The following LIN28B variants were observed in gnomAD, a reference collection of about 807,000 sequenced individuals.
The protein encoded by LIN28B is lin-28 RNA binding posttranscriptional regulator B, also known as protein lin-28 homolog B.
A neutral mutation model predicts 21.9 loss-of-function variants in LIN28B; 5 were observed. The ratio of observed to expected loss-of-function variants is 0.23; its 90% CI spans 0.12 to 0.48. The LOEUF is 0.48. Among genes scored for constraint, LIN28B ranks in the 20% least tolerant of loss-of-function variants. The pLI is 0.98. For missense variants in LIN28B, 245 were observed against 310.5 expected (o/e 0.79, Z 1.58); for synonymous variants, 109 against 111.3 (o/e 0.98, Z 0.13).
upstream of LIN28B, chr6:104,956,901 A>G (rs985954437): frequency 1.2e-5 from 4 of 344,920 alleles, no homozygotes; most frequent in African/African-American, 2.2e-5. Flanking sequence ...AAGCGTTCCA[A>G]ATTGTCTTTA....
intron 3 of LIN28B, among the ~76,000 whole-genome samples, chr6:105,062,749 T>C (rs1772147246): frequency 6.6e-6 from 1 of 152,166 alleles, no homozygotes. Flanking sequence ...ATTTACATCC[T>C]CAAAATGAAA....
intron 2 of LIN28B, among the ~76,000 whole-genome samples, chr6:104,986,930 G>C (rs1486882162): frequency 6.6e-6 from 1 of 152,174 alleles, no homozygotes; most frequent in African/African-American, 2.4e-5. Flanking sequence ...CTTTCTCAAA[G>C]AGCAATACCT....
At position 104,986,052 on chromosome 6, in the gene LIN28B, TG is replaced by T. The variant is rs1770332693; in HGVS notation, c.198+27771del. 4.6e-5 allele frequency among the ~76,000 whole-genome samples: 7 copies of T among 152,240 alleles called. No homozygotes were observed. In the South Asian group the frequency reaches 1.2e-3, roughly 27 times the overall value. On this transcript the variant is annotated intron_variant, in intron 2 of 3. Coordinates refer to ENST00000345080, the MANE Select transcript of LIN28B (RefSeq NM_001004317.4). The stretch of plus-strand genomic sequence containing the variant: ...GGGGAGGGGCCTAGTGGATTGGATA[TG>T]GGGGCCGATTTTCTACTTGCTGTTC...
At chr6:105,039,772 G>A (rs1166135771) in intron 3 of LIN28B, among the ~76,000 whole-genome samples, 3 of 152,024 alleles carry the variant, frequency 2.0e-5, no homozygotes, top group African/African-American at 7.2e-5. Flanking sequence ...AGTTTTTGAT[G>A]CTATTTTGAA....
Position 104,978,151 on chromosome 6 carries a change from C to G in LIN28B, c.198+19865C>G, listed in dbSNP as rs564364729. Among the ~76,000 whole-genome samples, 3 of 152,322 alleles carry G rather than the reference C, an allele frequency of 2.0e-5. No homozygotes were observed. In the South Asian group the frequency reaches 6.2e-4, roughly 32 times the overall value. ...AGAAATCCAAGATAGTTTTGGGCTA[C>G]TGCCCCCCACCTTCTTTTTTTCAGT... On this transcript the variant is annotated intron_variant, in intron 2 of 3. Coordinates refer to ENST00000345080, the MANE Select transcript of LIN28B (RefSeq NM_001004317.4).
intron 3 of LIN28B, among the ~76,000 whole-genome samples, chr6:105,039,648 T>A (rs190717292): frequency 2.9e-4 from 44 of 152,324 alleles, no homozygotes; most frequent in Admixed American, 2.7e-3. Context: ...AGAATGGGAT[T>A]GTGGGAGTAT....
intron 2 of LIN28B, among the ~76,000 whole-genome samples, chr6:105,015,643 T>C (rs527511371): frequency 7.2e-5 from 11 of 152,348 alleles, no homozygotes; most frequent in African/African-American, 2.6e-4. Flanking sequence ...TATGATATTT[T>C]TAAAATTCCA....
intron 2 of LIN28B, among the ~76,000 whole-genome samples, chr6:105,006,586 G>A (rs1471908601): frequency 6.6e-6 from 1 of 152,090 alleles, no homozygotes; most frequent in South Asian, 2.1e-4. Context: ...TGTTGGGATT[G>A]CAGGTGTGAG....
At chr6:105,015,609 T>C (rs1771011620) in intron 2 of LIN28B, among the ~76,000 whole-genome samples, 1 of 152,182 alleles carries the variant, frequency 6.6e-6, no homozygotes, top group African/African-American at 2.4e-5. Flanking sequence ...CTGTTTTATG[T>C]CTTTCTGCTG....
chr6:105,058,607 C>T (rs888630759), intron 3 of LIN28B, among the ~76,000 whole-genome samples: 1 of 152,192 alleles, frequency 6.6e-6, no homozygotes, highest in Non-Finnish European at 1.5e-5. Flanking sequence ...GCATCACTGA[C>T]TTTTCAGTGC....
rs1223557376 is a variant in LIN28B at position 105,079,795 on chromosome 6, G to A, written c.*1012G>A. The A allele has an allele frequency of 6.6e-6, 1 of 152,118 alleles. No individual in the cohort carries two copies. Among genetic ancestry groups the A allele is most frequent in the Non-Finnish European group, 1.5e-5 (1 of 68,030 alleles). 9.4% of individuals were successfully genotyped at this position (152,118 alleles called of 1,614,324 possible). On this transcript the variant is annotated 3_prime_UTR_variant, in exon 4 of 4. Transcript: ENST00000345080. The stretch of plus-strand genomic sequence containing the variant: ...AATTGTTTGGCATATATTTTTGGTG[G>A]TGGTTTTTATTCCTCCTGGAGAGTT...
intron 2 of LIN28B, among the ~76,000 whole-genome samples, chr6:105,020,210 A>G (rs1160284031): frequency 6.7e-6 from 1 of 148,436 alleles, no homozygotes; most frequent in African/African-American, 2.5e-5. Context: ...ACCACGGTTC[A>G]AGCAATTCTT....
intron 3 of LIN28B, among the ~76,000 whole-genome samples, chr6:105,042,423 A>G (rs1346989654): frequency 6.6e-6 from 1 of 152,074 alleles, no homozygotes; most frequent in African/African-American, 2.4e-5. Context: ...GTGTTTAGAA[A>G]TTTCCTCTGT....
At chr6:105,034,673 C>T (rs966961180) in intron 3 of LIN28B, among the ~76,000 whole-genome samples, 1 of 152,080 alleles carries the variant, frequency 6.6e-6, no homozygotes, top group East Asian at 1.9e-4. Flanking sequence ...CCAAGATGAA[C>T]AGAAACAGAA....
chr6:105,000,173 T>A (rs958405147), intron 2 of LIN28B, among the ~76,000 whole-genome samples: 5 of 152,002 alleles, frequency 3.3e-5, no homozygotes, highest in Non-Finnish European at 5.9e-5. Context: ...AAATGTTCAA[T>A]TCTATGCATG....
chr6:105,070,713 G>A (rs923378574), intron 3 of LIN28B, among the ~76,000 whole-genome samples: 18 of 151,662 alleles, frequency 1.2e-4, no homozygotes, highest in African/African-American at 4.1e-4. Flanking sequence ...GGGAGGTCCG[G>A]GCTGCAGTGA....
intron 2 of LIN28B, among the ~76,000 whole-genome samples, chr6:105,018,416 A>G (rs1267552860): frequency 4.6e-5 from 7 of 152,194 alleles, no homozygotes; most frequent in Admixed American, 4.6e-4. Context: ...TGTATTAACT[A>G]TTCCTGCCAC....
In LIN28B at chr6:105,078,400, T is replaced by C; in HGVS notation, c.384-14T>C. ...TGCCTACTTCTAAGATGTTTTCATC[T>C]TTTTTCCTTGTAGATGCTACAACTG... is the stretch of plus-strand genomic sequence containing the variant. On this transcript the variant is annotated splice_polypyrimidine_tract_variant and intron_variant, in intron 3 of 3. Coordinates refer to ENST00000345080, the MANE Select transcript of LIN28B (RefSeq NM_001004317.4). The C allele has an allele frequency of 6.3e-7, 1 of 1,581,302 alleles. No homozygotes were observed.
At chr6:105,012,997 G>A (rs185957027) in intron 2 of LIN28B, among the ~76,000 whole-genome samples, 4 of 152,138 alleles carry the variant, frequency 2.6e-5, no homozygotes, top group Admixed American at 2.6e-4. Context: ...TAGTGGCTGT[G>A]TATTGCATTG....
Sources: gnomAD v4.1 joint callset for allele counts (sites outside exome capture counted in the v4.1 genomes callset) on GRCh38, gnomAD v4.1.1 for gene constraint, MANE v1.5 for transcripts, NCBI Gene and HGNC (gene_info 2026-07-23, HGNC 2026-07-21) for gene names.